The following LRP1B variants were observed in gnomAD, a reference collection of about 807,000 sequenced individuals.
LRP1B encodes low-density lipoprotein receptor-related protein 1B.
LRP1B carries 217 observed loss-of-function variants against 556.6 expected under a neutral mutation model. The observed-to-expected ratio is 0.39, with a 90% CI of 0.35 to 0.44. The LOEUF is 0.44. LRP1B is among the 20% of genes least tolerant of loss of function. The pLI is 1.00. For missense variants in LRP1B, 5,053 were observed against 5,620.8 expected, an observed-to-expected ratio of 0.90 and a Z score of 3.23; for synonymous variants, 2,047 against 1,865.8, an observed-to-expected ratio of 1.10 and a Z score of -2.50.
intron 76 of LRP1B, among the ~76,000 whole-genome samples, chr2:140,351,293 T>C (rs769388299): frequency 1.3e-5 from 2 of 151,962 alleles, no homozygotes; most frequent in Non-Finnish European, 2.9e-5. Context: ...TATGTACATA[T>C]AAATGTCCTT....
chr2:141,907,796 A>C (rs1477912063), intron 1 of LRP1B, among the ~76,000 whole-genome samples: 1 of 151,940 alleles, frequency 6.6e-6, no homozygotes. Flanking sequence ...CAAATAACAC[A>C]TAAGTGAATG....
At chr2:140,790,056 GCT>G (rs1371566112) in intron 32 of LRP1B, among the ~76,000 whole-genome samples, 1 of 152,002 alleles carries the variant, frequency 6.6e-6, no homozygotes, top group Non-Finnish European at 1.5e-5. Context: ...CCTCTGGGAA[GCT>G]CTCTTATTTT....
intron 32 of LRP1B, among the ~76,000 whole-genome samples, chr2:140,789,631 T>C (rs1435167843): frequency 8.5e-6 from 1 of 117,612 alleles, no homozygotes; most frequent in African/African-American, 3.1e-5. Flanking sequence ...TTTTTTTTTT[T>C]TTTTTTTTTT....
chr2:140,988,107 A>G (rs1270470267), intron 17 of LRP1B, among the ~76,000 whole-genome samples: 2 of 152,150 alleles, frequency 1.3e-5, no homozygotes, highest in Non-Finnish European at 2.9e-5. Flanking sequence ...ATGCAGGATA[A>G]TATCATTTGG....
chr2:140,745,438 C>T (rs963863232), intron 35 of LRP1B, among the ~76,000 whole-genome samples: 2 of 152,100 alleles, frequency 1.3e-5, no homozygotes, highest in African/African-American at 4.8e-5. Flanking sequence ...ACATTTTAAT[C>T]TTTTAAATCA....
intron 52 of LRP1B, among the ~76,000 whole-genome samples, chr2:140,509,201 G>A (rs980348769): frequency 6.6e-6 from 1 of 151,948 alleles, no homozygotes; most frequent in African/African-American, 2.4e-5. Context: ...TTTAACAAGC[G>A]GAGTTCGCAG....
chr2:140,231,649 G>T lies in LRP1B; in HGVS notation c.*1537C>A, dbSNP rs909334476. On this transcript the variant is annotated 3_prime_UTR_variant, in exon 91 of 91. Coordinates refer to ENST00000389484, the MANE Select transcript of LRP1B (RefSeq NM_018557.3). The stretch of plus-strand genomic sequence containing the variant: ...TTACATAAATCAATAGTTTATAAAG[G>T]CCTCAATATGGCAAAGTTTAGAAAT... The T allele has an allele frequency of 2.6e-4, 39 of 151,638 alleles. No individual in the cohort carries two copies. The highest frequency in any genetic ancestry group is 7.7e-4 in the African/African-American group (32 of 41,304). The allele number at this position is 151,638 out of a possible 1,614,324, so 9.4% of individuals were successfully genotyped here.
At position 141,036,126 on chromosome 2, in the gene LRP1B, A is replaced by G. The variant is rs187047560; in HGVS notation, c.1789+12860T>C. On this transcript the variant is annotated intron_variant, in intron 11 of 90. Transcript: ENST00000389484. ...AAAGCTTAGGTCTCAAGACAGCAAA[A>G]TACATTGAAATGCAAAGGGTGACAG... Among the ~76,000 whole-genome samples the G allele has an allele frequency of 5.3e-5, 8 of 152,228 alleles. No homozygotes were observed. The East Asian group carries it at 1.4e-3, about 26-fold the overall frequency.
intron 1 of LRP1B, among the ~76,000 whole-genome samples, chr2:141,843,489 C>T (rs1025093054): frequency 2.0e-5 from 3 of 152,082 alleles, no homozygotes; most frequent in Non-Finnish European, 2.9e-5. Flanking sequence ...AGTTGTGCCC[C>T]GAGTGAGAAT....
chr2:141,510,236 C>CACACACA (rs1553524111), intron 2 of LRP1B, among the ~76,000 whole-genome samples: 6,029 of 132,042 alleles, frequency 0.046, 228 homozygotes, highest in East Asian at 0.12. Context: ...ACACACACAC[C>CACACACA]CCCCACAGTC....
intron 10 of LRP1B, among the ~76,000 whole-genome samples, chr2:141,053,838 G>GTGTGTA (rs1332387780): frequency 6.6e-6 from 1 of 151,626 alleles, no homozygotes; most frequent in East Asian, 1.9e-4. Flanking sequence ...ATGTGTGTGT[G>GTGTGTA]TGTGTGTGTG....
chr2:140,957,188 T>G (rs1695899075), intron 18 of LRP1B, among the ~76,000 whole-genome samples: 1 of 151,726 alleles, frequency 6.6e-6, no homozygotes, highest in African/African-American at 2.4e-5. Flanking sequence ...GCTATTTATG[T>G]ATTGCTTCCC....
chr2:140,239,303 T>A (rs940966705), intron 88 of LRP1B, 139 bp downstream of exon 88: 3 of 530,692 alleles, frequency 5.7e-6, no homozygotes, highest in Non-Finnish European at 1.0e-5. Flanking sequence ...AAGAGAGGTA[T>A]AAAATGATTT....
chr2:141,547,382 G>A (rs193098441), intron 2 of LRP1B, among the ~76,000 whole-genome samples: 37 of 152,148 alleles, frequency 2.4e-4, no homozygotes, highest in Admixed American at 4.6e-4. Context: ...GCGTTAATTC[G>A]TTCTTTCCAC....
At chr2:140,744,126 G>A (rs1688240234) in intron 35 of LRP1B, among the ~76,000 whole-genome samples, 2 of 151,996 alleles carry the variant, frequency 1.3e-5, no homozygotes, top group Admixed American at 1.3e-4. Context: ...GGTACAGCAT[G>A]AATGGTGATA....
At chr2:140,671,321 C>T (rs1427899893) in intron 41 of LRP1B, among the ~76,000 whole-genome samples, 2 of 152,132 alleles carry the variant, frequency 1.3e-5, no homozygotes, top group Non-Finnish European at 2.9e-5. Context: ...GAGATTGAGA[C>T]CATCCTGGCT....
chr2:141,614,035 T>TGCACTCC (rs1449279679), intron 2 of LRP1B, among the ~76,000 whole-genome samples: 3 of 117,052 alleles, frequency 2.6e-5, no homozygotes. Context: ...ATCCAGCCAT[T>TGCACTCC]GCACTCCACA....
chr2:141,101,089 GA>G (rs1194305657), intron 7 of LRP1B, among the ~76,000 whole-genome samples: 2 of 152,056 alleles, frequency 1.3e-5, no homozygotes, highest in African/African-American at 4.8e-5. Context: ...CTCTCTAGAG[GA>G]ATGCTCACTG....
intron 7 of LRP1B, among the ~76,000 whole-genome samples, chr2:141,074,025 G>T (rs1830061): frequency 0.81 from 123,641 of 151,978 alleles, 50,574 homozygotes; most frequent in Non-Finnish European, 0.85. Flanking sequence ...GCTGCTGAGA[G>T]AAATAGGAAT....
Sources: allele counts gnomAD v4.1 joint callset (sites outside exome capture counted in the v4.1 genomes callset), GRCh38; gene constraint gnomAD v4.1.1; transcripts MANE v1.5; gene names NCBI Gene and HGNC (gene_info 2026-07-23, HGNC 2026-07-21).